The following GALNT16 variants were observed in gnomAD, a reference collection of about 807,000 sequenced individuals.
GALNT16 encodes UDP-GalNAc:polypeptide N-acetylgalactosaminyltransferase-like protein 1.
Under a neutral mutation model 76.1 loss-of-function variants are expected in GALNT16, and 40 were observed. That is an observed-to-expected ratio of 0.53 (90% CI 0.41 to 0.68). The LOEUF (loss-of-function observed/expected upper bound fraction) is 0.68, where lower values mean the gene tolerates loss of function less well. Among genes scored for constraint, GALNT16 ranks in the 30% least tolerant of loss-of-function variants. GALNT16 has a pLI of 0.00. For synonymous variants in GALNT16, 276 were observed against 285.2 expected, an observed-to-expected ratio of 0.97 and a Z score of 0.32; for missense variants, 621 against 731.9, an observed-to-expected ratio of 0.85 and a Z score of 1.75.
chr14:69,325,936 G>A (rs1346335766), intron 4 of GALNT16, 26 bp from the exon 5 acceptor site: 9 of 1,602,530 alleles, frequency 5.6e-6, no homozygotes, highest in Non-Finnish European at 6.8e-6. Flanking sequence ...GTCTAAATGA[G>A]CTTGCCTTCC....
the GALNT16 span, among the ~76,000 whole-genome samples, chr14:69,366,980 A>G: frequency 6.6e-6 from 1 of 152,160 alleles, no homozygotes; most frequent in Non-Finnish European, 1.5e-5. Flanking sequence ...GGAGGTGGTG[A>G]CGCCTGAATG....
At position 69,260,559 on chromosome 14, in the gene GALNT16, G is replaced by T. The variant is rs981449083; in HGVS notation, c.177+92G>T. 7.9e-6 allele frequency: 7 copies of T among 889,390 alleles called. 1 individual carries two copies. The African/African-American group carries it at 1.2e-4, about 16-fold the overall frequency. The allele number at this position is 889,390 out of a possible 1,614,324, so 55.1% of individuals were successfully genotyped here. On this transcript the variant is annotated intron_variant, in intron 1 of 14. Coordinates refer to ENST00000448469, the MANE Select transcript of GALNT16 (RefSeq NM_001168368.2). ...CGGCCGAGGGCGCGGGGCCCGGCCA[G>T]GGCTGAGTGCCCGCTGCGCCGGGCC...
chr14:69,285,530 C>T (rs61980300), intron 1 of GALNT16, among the ~76,000 whole-genome samples: 16,754 of 152,204 alleles, frequency 0.11, 1,205 homozygotes, highest in Middle Eastern at 0.18. Flanking sequence ...CCATCACACA[C>T]GGAAGCAGGA....
the GALNT16 span, among the ~76,000 whole-genome samples, chr14:69,378,805 T>A: frequency 7.9e-5 from 12 of 152,296 alleles, no homozygotes; most frequent in Middle Eastern, 6.8e-3. Context: ...AAAAATAAAT[T>A]AATAAATAAA....
the GALNT16 span, among the ~76,000 whole-genome samples, chr14:69,379,838 C>G: frequency 6.6e-6 from 1 of 152,306 alleles, no homozygotes; most frequent in South Asian, 2.1e-4. Context: ...AGAAGTTCAT[C>G]TGTCTGCTGC....
In GALNT16 at chr14:69,319,516, C is replaced by T. The variant is rs372814092; in HGVS notation, c.178-1195C>T. Among the ~76,000 whole-genome samples the T allele has an allele frequency of 8.4e-4, 128 of 152,374 alleles. 1 individual carries two copies. In the South Asian group the frequency reaches 0.023, roughly 28 times the overall value. On this transcript the variant is annotated intron_variant, in intron 1 of 14. Transcript: ENST00000448469. ...CTTCAGCCCAGGGCTGATGGTTGGGCGGAAAGTTGGAGTTGGGATGTACCC... is the reference window on the plus strand; with the variant it reads ...CTTCAGCCCAGGGCTGATGGTTGGGTGGAAAGTTGGAGTTGGGATGTACCC...
the GALNT16 span, among the ~76,000 whole-genome samples, chr14:69,362,548 A>G: frequency 6.6e-6 from 1 of 152,270 alleles, no homozygotes; most frequent in South Asian, 2.1e-4. Context: ...CCTCACAATA[A>G]GAGAACAATT....
intron 2 of GALNT16, among the ~76,000 whole-genome samples, chr14:69,322,926 G>GTA (rs2045212224): frequency 1.1e-4 from 3 of 27,730 alleles, no homozygotes; most frequent in Non-Finnish European, 2.2e-4. Flanking sequence ...GGCTCACGGG[G>GTA]TGTGTGTGTG....
In GALNT16 at chr14:69,325,318, G is replaced by A. The variant is rs1224917454; in HGVS notation, c.435-19G>A. 10 of 1,531,428 alleles carry A rather than the reference G, an allele frequency of 6.5e-6. No individual in the cohort carries two copies. Among genetic ancestry groups the A allele is most frequent in the Non-Finnish European group, 9.1e-6 (10 of 1,104,392 alleles). The allele number at this position is 1,531,428 out of a possible 1,614,324, so 94.9% of individuals were successfully genotyped here. A position where few individuals can be genotyped will look rare whatever the true frequency, so the allele number is the denominator to read the frequency against. On this transcript the variant is annotated intron_variant, in intron 3 of 14. Coordinates refer to ENST00000448469, the MANE Select transcript of GALNT16 (RefSeq NM_001168368.2). The stretch of plus-strand genomic sequence containing the variant: ...GTTCCTAAATCCAGGCTCTTTCTCT[G>A]TTTCCACTGCTACTGTAGTGTCCTG...
At chr14:69,369,631 ACGTTAC>A in the GALNT16 span, among the ~76,000 whole-genome samples, 2 of 152,202 alleles carry the variant, frequency 1.3e-5, no homozygotes, top group African/African-American at 4.8e-5. Context: ...AGCTCTGTCC[ACGTTAC>A]CTACAGAGTG....
intron 7 of GALNT16, chr14:69,332,603 T>C: frequency 6.2e-6 from 1 of 162,036 alleles, no homozygotes; most frequent in Non-Finnish European, 1.4e-5. Context: ...TTAGTTAGAT[T>C]GTGAGTCTGA....
chr14:69,321,211 G>C (rs975270171), intron 2 of GALNT16, among the ~76,000 whole-genome samples: 3 of 152,208 alleles, frequency 2.0e-5, no homozygotes, highest in African/African-American at 7.2e-5. Flanking sequence ...AGTGGAGAGA[G>C]TCACAGCCCT....
the GALNT16 span, among the ~76,000 whole-genome samples, chr14:69,385,135 T>A: frequency 2.6e-5 from 4 of 152,180 alleles, no homozygotes; most frequent in African/African-American, 9.7e-5. Flanking sequence ...GTTGCTGTTG[T>A]CCTCATATAT....
At chr14:69,279,709 T>A (rs967132786) in intron 1 of GALNT16, among the ~76,000 whole-genome samples, 1 of 152,226 alleles carries the variant, frequency 6.6e-6, no homozygotes, top group African/African-American at 2.4e-5. Context: ...TCTTTGAAGA[T>A]GAGCGTGTGC....
intron 14 of GALNT16, chr14:69,350,506 A>T (rs1382341450): frequency 1.3e-5 from 2 of 152,208 alleles, no homozygotes; most frequent in African/African-American, 4.8e-5. Context: ...AGGAGGGGGG[A>T]TCCAAAGGCC....
chr14:69,316,531 G>A (rs1216995940), intron 1 of GALNT16, among the ~76,000 whole-genome samples: 2 of 152,194 alleles, frequency 1.3e-5, no homozygotes, highest in Admixed American at 6.5e-5. Context: ...TGAGAGGGTC[G>A]GGTTGGGGTC....
chr14:69,292,456 G>A (rs374179251), intron 1 of GALNT16, among the ~76,000 whole-genome samples: 3 of 152,226 alleles, frequency 2.0e-5, no homozygotes, highest in Non-Finnish European at 2.9e-5. Context: ...GGGAATGGGA[G>A]TGCCATCCCA....
chr14:69,274,713 G>A (rs2044449284), intron 1 of GALNT16, among the ~76,000 whole-genome samples: 3 of 152,206 alleles, frequency 2.0e-5, no homozygotes, highest in Admixed American at 2.0e-4. Flanking sequence ...AAACAGAAGA[G>A]TAGTAAGATT....
chr14:69,298,485 T>C (rs1229808376), intron 1 of GALNT16: 1 of 152,384 alleles, frequency 6.6e-6, no homozygotes, highest in Non-Finnish European at 1.5e-5. Flanking sequence ...ATTCCAAATC[T>C]CTGCACTTCA....
Sources: allele counts gnomAD v4.1 joint callset (sites outside exome capture counted in the v4.1 genomes callset), GRCh38; gene constraint gnomAD v4.1.1; transcripts MANE v1.5; gene names NCBI Gene and HGNC (gene_info 2026-07-23, HGNC 2026-07-21).